Variants in ESAM observed in about 807,000 individuals in gnomAD.
ESAM encodes the protein endothelial cell-selective adhesion molecule.
A neutral mutation model predicts 31.8 loss-of-function variants in ESAM; 23 were observed. The observed-to-expected ratio is 0.72, with a 90% CI of 0.52 to 1.03. ESAM has a LOEUF of 1.03. Ranked by LOEUF, ESAM falls within the 50% of genes least tolerant of loss-of-function variation. The pLI, the probability that ESAM is intolerant of heterozygous loss-of-function variation, is 0.00. For missense variants in ESAM, 478 were observed against 488.9 expected, an observed-to-expected ratio of 0.98 and a Z score of 0.21; for synonymous variants, 216 against 207.2, an observed-to-expected ratio of 1.04 and a Z score of -0.37.
chr11:124,755,768 G>A (rs930876677), intron 4 of ESAM, among the ~76,000 whole-genome samples: 1 of 152,152 alleles, frequency 6.6e-6, no homozygotes, highest in Admixed American at 6.5e-5. Context: ...GCCACGCCTA[G>A]GAAATTAATA....
chr11:124,760,561 G>T (rs946208914), intron 1 of ESAM, among the ~76,000 whole-genome samples: 1 of 152,262 alleles, frequency 6.6e-6, no homozygotes. Flanking sequence ...GAGCCCAGAA[G>T]AGCGGAGCCG....
In ESAM at chr11:124,753,738, T is replaced by C; in HGVS notation, c.1081A>G (p.Ile361Val). ...CCAGAGGAAGAAACCCCACCAGGGA[T>C]GGGGGATATTGGTTGAGGGTGGGCC... Reference protein sequence around the residue: ...DGAHPQPISPIPGGVSSSGLS... With the variant: ...DGAHPQPISPVPGGVSSSGLS... The change falls in exon 7 of 7, where the codon ATC (isoleucine) becomes GTC (valine). Residue 361 changes from isoleucine to valine, a missense_variant. By Grantham distance (29) the Ile-to-Val change is conservative. Transcript: ENST00000278927. The C allele has an allele frequency of 6.2e-7, 1 of 1,613,836 alleles. No homozygotes were observed. Among genetic ancestry groups the C allele is most frequent in the South Asian group, 1.1e-5 (1 of 91,036 alleles).
At position 124,754,277 on chromosome 11, in the gene ESAM, G is replaced by A; in HGVS notation, c.794C>T (p.Ala265Val). The change falls in exon 6 of 7, where the codon GCT becomes GTT. Residue 265 changes from alanine to valine, a missense_variant. By Grantham distance (64) the Ala-to-Val change is moderately conservative. Coordinates refer to ENST00000278927, the MANE Select transcript of ESAM (RefSeq NM_138961.3). The surrounding 1 kb of genome is among the most constrained non-coding windows in gnomAD (Gnocchi z 4.5). ...GCGGTGGTACAAGAGGACCAGCCCA[G>A]CCAGCAACCCCAGTCCAACCAGGGT... The part of the protein sequence containing the change: ...VGTLVGLGLL[A>V]GLVLLYHRRG... The A allele has an allele frequency of 6.2e-7, 1 of 1,614,012 alleles. No homozygotes were observed. The highest frequency in any genetic ancestry group is 8.5e-7 in the Non-Finnish European group (1 of 1,179,974).
chr11:124,753,413 G>C lies in ESAM; in HGVS notation c.*233C>G. ...TTTCAGCAGCTGGCTTCATAAGGAG[G>C]AGTCAGGGGTGGGTGGAGGCTCCTC... On this transcript the variant is annotated 3_prime_UTR_variant, in exon 7 of 7. Coordinates refer to ENST00000278927, the MANE Select transcript of ESAM (RefSeq NM_138961.3). 3.7e-6 allele frequency: 2 copies of C among 545,212 alleles called. No homozygotes were observed. The highest frequency in any genetic ancestry group is 6.5e-6 in the Non-Finnish European group (2 of 309,160). The allele number at this position is 545,212 out of a possible 1,614,324, so 33.8% of individuals were successfully genotyped here.
chr11:124,755,267 G>T (rs1944140339), intron 4 of ESAM, among the ~76,000 whole-genome samples: 1 of 152,124 alleles, frequency 6.6e-6, no homozygotes, highest in Non-Finnish European at 1.5e-5. Context: ...AGGGGGGAGG[G>T]ATAGCATTAG....
In ESAM at chr11:124,754,793, GGACC is replaced by G; in HGVS notation, c.608-34_608-31del. On this transcript the variant is annotated intron_variant, in intron 4 of 6. Coordinates refer to ENST00000278927, the MANE Select transcript of ESAM (RefSeq NM_138961.3). This position sits in a 1 kb window ranked among gnomAD's most constrained non-coding sequence, Gnocchi z 4.5. Reference sequence around the variant, plus strand: ...GGACACAATTTAGCCATCAGTCCAGGGACCCTCTTTCCCATTAAAAAAAAAAAAA... The same window carrying G: ...GGACACAATTTAGCCATCAGTCCAGGCTCTTTCCCATTAAAAAAAAAAAAA... 1 of 1,570,124 alleles carries G rather than the reference GGACC, an allele frequency of 6.4e-7. No individual in the cohort carries two copies. The highest frequency in any genetic ancestry group is 2.0e-5 in the Admixed American group (1 of 49,076).
At chr11:124,756,958 T>G in intron 2 of ESAM, 10 of 554,928 alleles carry the variant, frequency 1.8e-5, no homozygotes, top group East Asian at 3.1e-5. Context: ...TTCCTGCGCA[T>G]TGTCTCATCT....
chr11:124,754,523 C>G lies in ESAM; in HGVS notation c.730+118G>C, dbSNP rs1170191274. ...CCAACCATTTGTACAAACATTTGAT[C>G]AGGGGAAGCTCCGTGCCCTGCTACA... On this transcript the variant is annotated intron_variant, in intron 5 of 6. Coordinates refer to ENST00000278927, the MANE Select transcript of ESAM (RefSeq NM_138961.3). This position sits in a 1 kb window ranked among gnomAD's most constrained non-coding sequence, Gnocchi z 4.5. 1.3e-6 allele frequency: 2 copies of G among 1,514,646 alleles called. No individual in the cohort carries two copies. Among genetic ancestry groups the G allele is most frequent in the Non-Finnish European group, 1.8e-6 (2 of 1,127,668 alleles). 93.8% of individuals were successfully genotyped at this position (1,514,646 alleles called of 1,614,324 possible). A position where few individuals can be genotyped will look rare whatever the true frequency, so the allele number is the denominator to read the frequency against.
rs897985910 is a variant in ESAM at position 124,759,694 on chromosome 11, G to A, written c.71-1167C>T. ...TCCCCCACCGCTTCCCGGCTGCGCC[G>A]TACAGAACCCCCACCTCTGTTACTT... On this transcript the variant is annotated intron_variant, in intron 1 of 6. Coordinates refer to ENST00000278927, the MANE Select transcript of ESAM (RefSeq NM_138961.3). This position sits in a 1 kb window ranked among gnomAD's most constrained non-coding sequence, Gnocchi z 6.8. 6.6e-6 allele frequency among the ~76,000 whole-genome samples: 1 copy of A among 152,190 alleles called. No homozygotes were observed. Among genetic ancestry groups the A allele is most frequent in the Admixed American group, 6.5e-5 (1 of 15,284 alleles).
At position 124,760,572 on chromosome 11, in the gene ESAM, G is replaced by A. The variant is rs139880973; in HGVS notation, c.70+1513C>T. ...TCCAGAGCCCAGAAGAGCGGAGCCG[G>A]GCGCCTGCACGTTGCACCGGGGTCA... On this transcript the variant is annotated intron_variant, in intron 1 of 6. Transcript: ENST00000278927. Among the ~76,000 whole-genome samples, 25 of 152,358 alleles carry A rather than the reference G, an allele frequency of 1.6e-4. No individual in the cohort carries two copies. In the East Asian group the frequency reaches 4.8e-3, roughly 29 times the overall value.
rs772152725 is a variant in ESAM, at chr11:124,758,443, G to A, written c.155C>T (p.Ala52Val). ...AVEGGEVVLP[A>V]WYTLHGEVSS... is the part of the protein sequence containing the mutation. ...CACCTCCCCGTGCAAGGTGTACCAC[G>A]CTGGAAGCACCACTTCCCCTCCCTC... The change falls in exon 2 of 7, where the codon GCG (alanine) becomes GTG (valine). Residue 52 changes from alanine (A) to valine (V), a missense_variant. Ala to Val is a moderately conservative substitution (Grantham distance 64, BLOSUM62 0). Coordinates refer to ENST00000278927, the MANE Select transcript of ESAM (RefSeq NM_138961.3). 1 of 1,613,732 alleles carries A rather than the reference G, an allele frequency of 6.2e-7. No homozygotes were observed. The highest frequency in any genetic ancestry group is 8.5e-7 in the Non-Finnish European group (1 of 1,179,902).
At chr11:124,761,378 T>C (rs930378634) in intron 1 of ESAM, among the ~76,000 whole-genome samples, 10 of 152,140 alleles carry the variant, frequency 6.6e-5, no homozygotes, top group African/African-American at 2.4e-4. Context: ...GTTCCCTTCC[T>C]CTCTGACCCT....
chr11:124,754,828 T>C lies in ESAM; in HGVS notation c.608-65A>G. 6.4e-6 allele frequency: 9 copies of C among 1,410,308 alleles called. No homozygotes were observed. Among genetic ancestry groups the C allele is most frequent in the Non-Finnish European group, 8.7e-6 (9 of 1,034,222 alleles). 87.4% of individuals were successfully genotyped at this position (1,410,308 alleles called of 1,614,324 possible). On this transcript the variant is annotated intron_variant, in intron 4 of 6. Transcript: ENST00000278927. This position sits in a 1 kb window ranked among gnomAD's most constrained non-coding sequence, Gnocchi z 4.5. The stretch of plus-strand genomic sequence containing the variant: ...TCCCATTAAAAAAAAAAAAAAATCT[T>C]GTCCCTCCTCTGGAATGTCCCCTTT...
At position 124,753,963 on chromosome 11, in the gene ESAM, T is replaced by C. The variant is rs1163999472; in HGVS notation, c.858-2A>G. The C allele has an allele frequency of 6.2e-7, 1 of 1,612,688 alleles. No homozygotes were observed. Among genetic ancestry groups the C allele is most frequent in the African/African-American group, 1.3e-5 (1 of 74,892 alleles). On this transcript the variant is annotated splice_acceptor_variant, in intron 6 of 6. Coordinates refer to ENST00000278927, the MANE Select transcript of ESAM (RefSeq NM_138961.3). LOFTEE classifies it high-confidence loss of function. ...GTCCGGGGAGCAATGGCATCCTCCC[T>C]AGTCATCAAAGAAATAACAAGAGGT...
In ESAM at chr11:124,756,288, A is replaced by G. The variant is rs1262205693; in HGVS notation, c.526T>C (p.Ser176Pro). 2 of 1,613,948 alleles carry G rather than the reference A, an allele frequency of 1.2e-6. No homozygotes were observed. The highest frequency in any genetic ancestry group is 1.7e-4 in the Middle Eastern group (1 of 6,060). Residue 176 changes from serine to proline, a missense_variant, in exon 4 of 7, where the codon TCT (serine) becomes CCT (proline). Transcript: ENST00000278927. ...VGANVTLSCQ[S>P]PRSKPAVQYQ... is the part of the protein sequence containing the mutation. ...TGGACAGCGGGCTTACTCCTTGGAGACTGGCAGCTCAGGGTCACGTTTGCC... is the reference window on the plus strand; with the variant it reads ...TGGACAGCGGGCTTACTCCTTGGAGGCTGGCAGCTCAGGGTCACGTTTGCC...
chr11:124,758,190 T>TC (rs1385856765), intron 2 of ESAM, among the ~76,000 whole-genome samples, 159 bp downstream of exon 2: 4 of 152,158 alleles, frequency 2.6e-5, no homozygotes, highest in Non-Finnish European at 4.4e-5. Context: ...AAGTCTCCAA[T>TC]ATCAGAACAA....
intron 1 of ESAM, 27 bp from the exon 2 acceptor site, chr11:124,758,554 C>A: frequency 6.7e-7 from 1 of 1,486,282 alleles, no homozygotes; most frequent in Non-Finnish European, 8.9e-7. Flanking sequence ...GGCGTGAGTG[C>A]CCAGGACCGG....
In ESAM at chr11:124,756,351, G is replaced by A. The variant is rs746274223; in HGVS notation, c.463C>T (p.Pro155Ser). ...LELNVLVPPAPPSCRLQGVPH... is the reference protein window; with the variant it reads ...LELNVLVPPASPSCRLQGVPH... ...ACACCCTGGAGACGGCAGGATGGAG[G>A]AGCTGGAGGAACTGGGCAGGGGGAG... Residue 155 changes from proline (P) to serine (S), a missense_variant, in exon 4 of 7, where the codon CCT becomes TCT. By Grantham distance (74) the Pro-to-Ser change is moderately conservative. Coordinates refer to ENST00000278927, the MANE Select transcript of ESAM (RefSeq NM_138961.3). 8.1e-6 allele frequency: 13 copies of A among 1,604,802 alleles called. No homozygotes were observed. Among genetic ancestry groups the A allele is most frequent in the Non-Finnish European group, 1.0e-5 (12 of 1,175,362 alleles).
In ESAM at chr11:124,759,756, A is replaced by T. The variant is rs1480225579; in HGVS notation, c.71-1229T>A. 6.6e-6 allele frequency among the ~76,000 whole-genome samples: 1 copy of T among 151,544 alleles called. No individual in the cohort carries two copies. Among genetic ancestry groups the T allele is most frequent in the African/African-American group, 2.4e-5 (1 of 41,188 alleles). ...CATCCCCCTTCCCATTTCCTGGAGG[A>T]TCTCTGTGGTCTGGGCAGGAAATTT... On this transcript the variant is annotated intron_variant, in intron 1 of 6. Coordinates refer to ENST00000278927, the MANE Select transcript of ESAM (RefSeq NM_138961.3). The surrounding 1 kb of genome is among the most constrained non-coding windows in gnomAD (Gnocchi z 6.8).
Sources: allele counts gnomAD v4.1 joint callset (sites outside exome capture counted in the v4.1 genomes callset), GRCh38; gene constraint gnomAD v4.1.1; non-coding constraint Gnocchi (gnomAD v3.1); transcripts MANE v1.5; gene names NCBI Gene and HGNC (gene_info 2026-07-23, HGNC 2026-07-21).